The following RABEPK variants were observed in gnomAD, a reference collection of about 807,000 sequenced individuals.
RABEPK encodes the protein Rab9 effector protein with kelch motifs, also known as 40 kDa Rab9 effector protein.
RABEPK carries 27 observed loss-of-function variants against 34.1 expected under a neutral mutation model. The ratio of observed to expected loss-of-function variants is 0.79; its 90% CI spans 0.58 to 1.09. RABEPK has a LOEUF of 1.09. RABEPK is among the 50% of genes least tolerant of loss of function. RABEPK has a pLI of 0.00. For synonymous variants in RABEPK, 172 were observed against 169.2 expected (o/e 1.02, Z -0.13); for missense variants, 449 against 462.6 (o/e 0.97, Z 0.27).
At chr9:125,219,536 G>A (rs1291036030) in intron 4 of RABEPK, among the ~76,000 whole-genome samples, 4 of 151,718 alleles carry the variant, frequency 2.6e-5, no homozygotes, top group Non-Finnish European at 5.9e-5. Flanking sequence ...TGGGATTATA[G>A]GTCCCCACCA....
intron 6 of RABEPK, 103 bp from the exon 7 acceptor site, chr9:125,232,493 G>C: frequency 1.5e-6 from 2 of 1,312,930 alleles, no homozygotes; most frequent in Non-Finnish European, 1.0e-6. Context: ...AGAGCTCTTG[G>C]TGAATGACTT....
intron 5 of RABEPK, among the ~76,000 whole-genome samples, chr9:125,225,178 A>G (rs1831645361): frequency 6.6e-6 from 1 of 152,102 alleles, no homozygotes; most frequent in South Asian, 2.1e-4. Context: ...TGAGCCCAGG[A>G]GTTCAAGACC....
chr9:125,204,751 C>G (rs1292714246), intron 2 of RABEPK, among the ~76,000 whole-genome samples: 1 of 151,882 alleles, frequency 6.6e-6, no homozygotes, highest in Non-Finnish European at 1.5e-5. Context: ...ATGCTGGTCT[C>G]TTTGCCTGGA....
intron 3 of RABEPK, among the ~76,000 whole-genome samples, 155 bp from the exon 4 acceptor site, chr9:125,213,215 T>C (rs1830697113): frequency 6.6e-6 from 1 of 152,108 alleles, no homozygotes; most frequent in African/African-American, 2.4e-5. Flanking sequence ...TAAGTATCTA[T>C]TATAGAATTT....
At position 125,228,495 on chromosome 9, in the gene RABEPK, A is replaced by G. The variant is rs528411431; in HGVS notation, c.676+436A>G. Among the ~76,000 whole-genome samples, 6 of 151,744 alleles carry G rather than the reference A, an allele frequency of 4.0e-5. No individual in the cohort carries two copies. The South Asian group carries it at 1.0e-3, about 26-fold the overall frequency. The stretch of plus-strand genomic sequence containing the variant: ...AACATGGTGAAACCCCGTGTCTACT[A>G]AAAATACAAAAATTAGCCTATTGTC... On this transcript the variant is annotated intron_variant, in intron 6 of 7. Coordinates refer to ENST00000373538, the MANE Select transcript of RABEPK (RefSeq NM_005833.4).
chr9:125,202,352 CT>C (rs1294020617), intron 1 of RABEPK, among the ~76,000 whole-genome samples: 8 of 151,008 alleles, frequency 5.3e-5, no homozygotes, highest in African/African-American at 1.7e-4. Flanking sequence ...AAAACCCCGT[CT>C]CTACTAGAAA....
intron 2 of RABEPK, 94 bp from the exon 3 acceptor site, chr9:125,207,470 T>C (rs895224984): frequency 2.9e-6 from 4 of 1,368,796 alleles, no homozygotes; most frequent in Non-Finnish European, 4.1e-6. Context: ...CATAAGGCTC[T>C]TCATTCTGGT....
At chr9:125,213,686 A>G (rs932868238) in intron 4 of RABEPK, among the ~76,000 whole-genome samples, 164 bp downstream of exon 4, 2 of 152,208 alleles carry the variant, frequency 1.3e-5, no homozygotes, top group African/African-American at 2.4e-5. Flanking sequence ...TTGTAGCATA[A>G]TCTGAAAACA....
chr9:125,217,768 G>A (rs918646182), intron 4 of RABEPK, among the ~76,000 whole-genome samples: 1 of 151,962 alleles, frequency 6.6e-6, no homozygotes, highest in South Asian at 2.1e-4. Context: ...GGGTCTTCTG[G>A]GCCTGGAGGT....
At chr9:125,200,941 C>A (rs1480770126) in intron 1 of RABEPK, 35 bp downstream of exon 1, 1 of 436,504 alleles carries the variant, frequency 2.3e-6, no homozygotes, top group South Asian at 1.7e-5. Context: ...AATCTATTTT[C>A]TTTCTTCATT....
At chr9:125,203,094 A>G in intron 2 of RABEPK, 28 bp downstream of exon 2, 1 of 1,597,162 alleles carries the variant, frequency 6.3e-7, no homozygotes, top group South Asian at 1.1e-5. Flanking sequence ...CAGACACAGA[A>G]AAGCATGAGT....
At chr9:125,213,600 C>A in intron 4 of RABEPK, 78 bp downstream of exon 4, 1 of 1,230,900 alleles carries the variant, frequency 8.1e-7, no homozygotes, top group Non-Finnish European at 1.1e-6. Flanking sequence ...TATATAAATC[C>A]AATTATAATT....
In RABEPK at chr9:125,232,245, C is replaced by CACACACAG. The variant is rs1554733096; in HGVS notation, c.677-350_677-349insCACACAGA. On this transcript the variant is annotated intron_variant, in intron 6 of 7. Coordinates refer to ENST00000373538, the MANE Select transcript of RABEPK (RefSeq NM_005833.4). ...ACACACACACACACACACACACACA[C>CACACACAG]AGAGACAGAGAGAGAGAGAGAGAGA... Among the ~76,000 whole-genome samples the CACACACAG allele has an allele frequency of 2.5e-4, 37 of 149,900 alleles. 1 individual carries two copies. Among genetic ancestry groups the CACACACAG allele is most frequent in the Non-Finnish European group, 3.4e-4 (23 of 67,604 alleles).
chr9:125,207,794 G>C, intron 3 of RABEPK, 73 bp downstream of exon 3: 1 of 1,551,606 alleles, frequency 6.4e-7, no homozygotes. Flanking sequence ...CCATGAGCAG[G>C]GCATTCCTAA....
intron 7 of RABEPK, 27 bp from the exon 8 acceptor site, chr9:125,233,661 A>G: frequency 1.3e-6 from 2 of 1,598,466 alleles, no homozygotes; most frequent in South Asian, 1.1e-5. Context: ...ATTTCTTAAC[A>G]TGAAGCCTTT....
At chr9:125,206,016 C>T (rs1232484998) in intron 2 of RABEPK, among the ~76,000 whole-genome samples, 4 of 152,036 alleles carry the variant, frequency 2.6e-5, no homozygotes, top group Non-Finnish European at 2.9e-5. Flanking sequence ...AAAGGACAAC[C>T]AGAAAAGTGA....
At chr9:125,207,215 G>A (rs554874826) in intron 2 of RABEPK, among the ~76,000 whole-genome samples, 12 of 152,136 alleles carry the variant, frequency 7.9e-5, no homozygotes, top group Admixed American at 7.9e-4. Context: ...ATTTGAACCA[G>A]ATCTGTCTGA....
At chr9:125,220,016 T>A (rs535986329) in intron 4 of RABEPK, among the ~76,000 whole-genome samples, 2 of 152,076 alleles carry the variant, frequency 1.3e-5, no homozygotes, top group South Asian at 2.1e-4. Flanking sequence ...TCTTTTTTTT[T>A]AATATGGAGC....
chr9:125,224,410 TATCTC>T (rs1016807025), intron 5 of RABEPK, among the ~76,000 whole-genome samples: 4 of 151,876 alleles, frequency 2.6e-5, no homozygotes, highest in African/African-American at 9.7e-5. Context: ...TTATGTATAT[TATCTC>T]ATTTAATTCA....
Sources: gnomAD v4.1 joint callset for allele counts (sites outside exome capture counted in the v4.1 genomes callset) on GRCh38, gnomAD v4.1.1 for gene constraint, MANE v1.5 for transcripts, NCBI Gene and HGNC (gene_info 2026-07-23, HGNC 2026-07-21) for gene names.